EHBP1: variants seen among roughly 807,000 people sequenced by gnomAD.
EHBP1 encodes the protein EH domain binding protein 1.
A neutral mutation model predicts 144.0 loss-of-function variants in EHBP1; 55 were observed. That is an observed-to-expected ratio of 0.38 (90% CI 0.31 to 0.48). The LOEUF is 0.48. EHBP1 is among the 20% of genes least tolerant of loss of function. The probability of loss-of-function intolerance (pLI) is 0.98; values close to 1 mark genes in which losing one functional copy is unlikely to be tolerated. For synonymous variants in EHBP1, 469 were observed against 472.7 expected, an observed-to-expected ratio of 0.99 and a Z score of 0.10; for missense variants, 1,200 against 1,364.2, an observed-to-expected ratio of 0.88 and a Z score of 1.90.
chr2:62,844,713 A>G (rs961537925), intron 7 of EHBP1, among the ~76,000 whole-genome samples: 1 of 152,202 alleles, frequency 6.6e-6, no homozygotes, highest in Non-Finnish European at 1.5e-5. Flanking sequence ...ATCAAGTTCA[A>G]CTGAAGCAGT....
In EHBP1 at chr2:63,001,353, G is replaced by T. The variant is rs561959112; in HGVS notation, c.3103+4587G>T. ...TACTGTAGCTTTTCGTAGAGTATCT[G>T]TTCCAAAAACCTAACTGGCCATTTA... is the stretch of plus-strand genomic sequence containing the variant. On this transcript the variant is annotated intron_variant, in intron 19 of 22. Coordinates refer to ENST00000431489, the MANE Select transcript of EHBP1 (RefSeq NM_001142616.3). Among the ~76,000 whole-genome samples, 8 of 152,214 alleles carry T rather than the reference G, an allele frequency of 5.3e-5. No homozygotes were observed. In the South Asian group the frequency reaches 1.5e-3, roughly 28 times the overall value.
intron 19 of EHBP1, among the ~76,000 whole-genome samples, chr2:63,027,037 G>C (rs957561620): frequency 1.3e-5 from 2 of 152,186 alleles, no homozygotes; most frequent in African/African-American, 4.8e-5. Flanking sequence ...AGCCTGTTCT[G>C]GTAAGACTGA....
chr2:62,796,382 G>T (rs892267313), intron 5 of EHBP1, among the ~76,000 whole-genome samples: 3 of 151,932 alleles, frequency 2.0e-5, no homozygotes, highest in African/African-American at 7.3e-5. Context: ...TTCAAAATAG[G>T]GGTATTAGAT....
At chr2:62,825,930 A>G (rs1427034531) in intron 5 of EHBP1, 157 bp from the exon 6 acceptor site, 1 of 498,470 alleles carries the variant, frequency 2.0e-6, no homozygotes, top group Non-Finnish European at 3.2e-6. Context: ...CTGTGATACA[A>G]CTTCATTGTA....
chr2:62,885,919 A>T (rs1004252092), intron 10 of EHBP1, among the ~76,000 whole-genome samples: 69 of 152,330 alleles, frequency 4.5e-4, no homozygotes, highest in African/African-American at 1.7e-3. Context: ...GGCTCAGCTA[A>T]ATAACTGAAG....
At chr2:62,888,535 T>C (rs1054987306) in intron 10 of EHBP1, among the ~76,000 whole-genome samples, 1 of 152,242 alleles carries the variant, frequency 6.6e-6, no homozygotes, top group African/African-American at 2.4e-5. Flanking sequence ...TTACCATTTT[T>C]CTTTATGAAG....
chr2:62,773,885 A>T (rs932336680), intron 5 of EHBP1, among the ~76,000 whole-genome samples: 1 of 139,106 alleles, frequency 7.2e-6, no homozygotes, highest in African/African-American at 2.7e-5. Context: ...AAAAAAAAAA[A>T]GAGAGAGAGA....
At chr2:62,899,601 G>A (rs1228964446) in intron 10 of EHBP1, among the ~76,000 whole-genome samples, 1 of 152,182 alleles carries the variant, frequency 6.6e-6, no homozygotes, top group Non-Finnish European at 1.5e-5. Context: ...AGAACACCTG[G>A]CATTTGTTCT....
chr2:62,862,324 A>G (rs892164530), intron 8 of EHBP1, among the ~76,000 whole-genome samples: 2 of 152,208 alleles, frequency 1.3e-5, no homozygotes, highest in African/African-American at 4.8e-5. Flanking sequence ...TATAAAAGTC[A>G]TTGGCCGGGC....
At chr2:62,699,741 G>A (rs189969927) in intron 1 of EHBP1, among the ~76,000 whole-genome samples, 129 of 152,284 alleles carry the variant, frequency 8.5e-4, no homozygotes, top group African/African-American at 2.9e-3. Flanking sequence ...TATCATTGTT[G>A]CCTGCAATAT....
rs539417161 is a variant in EHBP1, at chr2:62,774,218, A to G, written c.312+2826A>G. 5.9e-5 allele frequency among the ~76,000 whole-genome samples: 9 copies of G among 152,120 alleles called. No homozygotes were observed. In the South Asian group the frequency reaches 1.9e-3, roughly 32 times the overall value. ...AAACAGCGTCTCTACTAAAAATACA[A>G]AAATTAGCCAGGTATGGTGGTGCAT... On this transcript the variant is annotated intron_variant, in intron 5 of 22. Transcript: ENST00000431489.
intron 5 of EHBP1, among the ~76,000 whole-genome samples, chr2:62,819,282 T>G (rs1291723323): frequency 6.6e-6 from 1 of 152,166 alleles, no homozygotes; most frequent in East Asian, 1.9e-4. Flanking sequence ...AATGGGAAAC[T>G]CTTAGAAAGT....
At chr2:62,691,032 A>G (rs1315697041) in intron 1 of EHBP1, among the ~76,000 whole-genome samples, 3 of 152,244 alleles carry the variant, frequency 2.0e-5, no homozygotes, top group African/African-American at 7.2e-5. Flanking sequence ...GTTAACTTAG[A>G]AAGTTGTTCC....
At chr2:62,976,802 C>T (rs953265414) in intron 14 of EHBP1, among the ~76,000 whole-genome samples, 23 of 152,168 alleles carry the variant, frequency 1.5e-4, no homozygotes, top group Non-Finnish European at 2.8e-4. Context: ...CTGCCAGCTT[C>T]TCAAACCCAG....
intron 13 of EHBP1, among the ~76,000 whole-genome samples, chr2:62,949,498 T>G (rs1394394985): frequency 6.6e-6 from 1 of 152,138 alleles, no homozygotes; most frequent in Non-Finnish European, 1.5e-5. Context: ...CTGAAGGATA[T>G]TGTGTAATAA....
intron 2 of EHBP1, among the ~76,000 whole-genome samples, chr2:62,745,366 C>G (rs1249792296): frequency 6.6e-6 from 1 of 151,174 alleles, no homozygotes; most frequent in Non-Finnish European, 1.5e-5. Flanking sequence ...GTGTAATTAA[C>G]TCTGAGGCTT....
In EHBP1 at chr2:62,858,481, G is replaced by A. The variant is rs753000207; in HGVS notation, c.635-688G>A. ...GACTGCATAAAGCAAGCAAATATGC[G>A]TTCAGCTAAATCAGCCAGTTCCTCT... is the stretch of plus-strand genomic sequence containing the variant. On this transcript the variant is annotated intron_variant, in intron 7 of 22. Transcript: ENST00000431489. 54 of 1,611,224 alleles carry A rather than the reference G, an allele frequency of 3.4e-5. No homozygotes were observed. The highest frequency in any genetic ancestry group is 4.5e-5 in the East Asian group (2 of 44,812).
At chr2:63,012,483 TA>T (rs2060309136) in intron 19 of EHBP1, among the ~76,000 whole-genome samples, 1 of 152,168 alleles carries the variant, frequency 6.6e-6, no homozygotes, top group Admixed American at 6.6e-5. Context: ...TCTGCAGTGA[TA>T]AAAAATACTA....
intron 10 of EHBP1, among the ~76,000 whole-genome samples, chr2:62,904,200 A>G (rs548379752): frequency 1.6e-4 from 24 of 152,346 alleles, no homozygotes; most frequent in African/African-American, 5.3e-4. Context: ...ATTTGAGCCT[A>G]TGTCTTACTG....
Sources: gnomAD v4.1 joint callset for allele counts (sites outside exome capture counted in the v4.1 genomes callset) on GRCh38, gnomAD v4.1.1 for gene constraint, MANE v1.5 for transcripts, NCBI Gene and HGNC (gene_info 2026-07-23, HGNC 2026-07-21) for gene names.